The following ORC5 variants were observed in gnomAD, a reference collection of about 807,000 sequenced individuals.
The protein encoded by ORC5 is protein phosphatase 1, regulatory subunit 117.
In ORC5, 39 loss-of-function variants were observed where a neutral mutation model predicts 58.8. The ratio of observed to expected loss-of-function variants is 0.66; its 90% confidence interval spans 0.51 to 0.87. ORC5 has a LOEUF of 0.87. Among genes scored for constraint, ORC5 ranks in the 40% least tolerant of loss-of-function variants. ORC5 has a pLI of 0.00. For synonymous variants in ORC5, 218 were observed against 177.6 expected (o/e 1.23, Z -1.81); for missense variants, 493 against 506.3 (o/e 0.97, Z 0.25).
chr7:104,181,741 G>A (rs145590197), intron 8 of ORC5, among the ~76,000 whole-genome samples: 6,684 of 150,198 alleles, frequency 0.045, 483 homozygotes, highest in African/African-American at 0.15. Flanking sequence ...GTAGTGAGCC[G>A]AGATCGCGCC....
chr7:104,200,741 C>A lies in ORC5; in HGVS notation c.366+17G>T. The A allele has an allele frequency of 1.4e-6, 2 of 1,421,764 alleles. No homozygotes were observed. Among genetic ancestry groups the A allele is most frequent in the South Asian group, 1.2e-5 (1 of 83,942 alleles). The allele number at this position is 1,421,764 out of a possible 1,614,324, so 88.1% of individuals were successfully genotyped here. On this transcript the variant is annotated intron_variant, in intron 3 of 13. Transcript: ENST00000297431. ...TTTTCAAGATAAGAGATGATCTAATCAAATGAAATTACTTACAATATATAC... is the reference window on the plus strand; with the variant it reads ...TTTTCAAGATAAGAGATGATCTAATAAAATGAAATTACTTACAATATATAC...
At chr7:104,177,640 G>A (rs1799349837) in intron 8 of ORC5, among the ~76,000 whole-genome samples, 1 of 152,082 alleles carries the variant, frequency 6.6e-6, no homozygotes, top group East Asian at 1.9e-4. Flanking sequence ...ATGTGCCATG[G>A]TGATCTACTG....
At chr7:104,185,582 C>T (rs979128285) in intron 6 of ORC5, among the ~76,000 whole-genome samples, 16 of 152,100 alleles carry the variant, frequency 1.1e-4, no homozygotes, top group African/African-American at 3.4e-4. Flanking sequence ...GTTCTTGGCA[C>T]CATCTCAGGC....
At position 104,153,627 on chromosome 7, in the gene ORC5, C is replaced by T. The variant is rs181102847; in HGVS notation, c.1149+7445G>A. Among the ~76,000 whole-genome samples, 128 of 152,244 alleles carry T rather than the reference C, an allele frequency of 8.4e-4. 2 individuals are homozygous for T. Among genetic ancestry groups the T allele is most frequent in the African/African-American group, 2.7e-3 (112 of 41,548 alleles). The stretch of plus-strand genomic sequence containing the variant: ...TTACAGAAACACTGGAATGCTGGCA[C>T]AGGACAAATGAAATGCAGAGAAATT... On this transcript the variant is annotated intron_variant, in intron 12 of 13. Transcript: ENST00000297431.
rs79084085 is a variant in ORC5 at position 104,129,247 on chromosome 7, A to G, written c.1263-2354T>C. Among the ~76,000 whole-genome samples the G allele has an allele frequency of 9.2e-5, 14 of 152,312 alleles. No homozygotes were observed. The East Asian group carries it at 2.1e-3, about 23-fold the overall frequency. The stretch of plus-strand genomic sequence containing the variant: ...AGAATAGTTTGTACAATAAATAAAT[A>G]ACAGAACAGACTTAATAGAATGAAT... On this transcript the variant is annotated intron_variant, in intron 13 of 13. Transcript: ENST00000297431. The surrounding 1 kb of genome is among the most constrained non-coding windows in gnomAD (Gnocchi z 4.9).
At chr7:104,202,956 G>A (rs1799979768) in intron 2 of ORC5, among the ~76,000 whole-genome samples, 1 of 152,310 alleles carries the variant, frequency 6.6e-6, no homozygotes, top group African/African-American at 2.4e-5. Flanking sequence ...TAGCTGAGAA[G>A]GCTAAATATT....
At chr7:104,161,969 C>T (rs919423025) in intron 11 of ORC5, among the ~76,000 whole-genome samples, 2 of 151,974 alleles carry the variant, frequency 1.3e-5, no homozygotes, top group African/African-American at 4.8e-5. Flanking sequence ...TACAGTAAGT[C>T]GTAGCTTAAC....
chr7:104,153,627 C>A (rs181102847), intron 12 of ORC5, among the ~76,000 whole-genome samples: 1 of 152,126 alleles, frequency 6.6e-6, no homozygotes, highest in Non-Finnish European at 1.5e-5. Context: ...AATGCTGGCA[C>A]AGGACAAATG....
At chr7:104,146,418 C>CTG (rs1798753342) in intron 12 of ORC5, among the ~76,000 whole-genome samples, 1 of 151,620 alleles carries the variant, frequency 6.6e-6, no homozygotes, top group Admixed American at 6.6e-5. Flanking sequence ...AGATGTCCTT[C>CTG]AACAGGTGAA....
At chr7:104,140,105 G>A (rs1424368792) in intron 12 of ORC5, among the ~76,000 whole-genome samples, 1 of 151,796 alleles carries the variant, frequency 6.6e-6, no homozygotes, top group Non-Finnish European at 1.5e-5. Context: ...TCCTTTATGT[G>A]CTCTGCCTTT....
chr7:104,127,060 A>G (rs1798439911), intron 13 of ORC5, among the ~76,000 whole-genome samples, 167 bp from the exon 14 acceptor site: 1 of 152,098 alleles, frequency 6.6e-6, no homozygotes, highest in South Asian at 2.1e-4. Context: ...AAATGTTATT[A>G]GGAACACAAT....
At chr7:104,167,299 G>A (rs184624136) in intron 9 of ORC5, among the ~76,000 whole-genome samples, 1 of 152,200 alleles carries the variant, frequency 6.6e-6, no homozygotes. Flanking sequence ...TGAAATGCTT[G>A]GGACCAGAAG....
chr7:104,174,486 G>A (rs1213613707), intron 8 of ORC5, among the ~76,000 whole-genome samples: 8 of 152,154 alleles, frequency 5.3e-5, no homozygotes, highest in Admixed American at 2.0e-4. Flanking sequence ...GACTGTTCTT[G>A]GGCATATTTT....
At chr7:104,188,429 A>G in intron 5 of ORC5, 48 bp from the exon 6 acceptor site, 1 of 1,436,650 alleles carries the variant, frequency 7.0e-7, no homozygotes, top group East Asian at 2.3e-5. Flanking sequence ...ATAGTACACT[A>G]ATCATATCTT....
chr7:104,207,063 A>C (rs1800105731), intron 1 of ORC5, among the ~76,000 whole-genome samples: 1 of 152,230 alleles, frequency 6.6e-6, no homozygotes, highest in Non-Finnish European at 1.5e-5. Flanking sequence ...AAACCAGAAG[A>C]TGGGGGTATG....
chr7:104,185,180 G>A (rs758409267), intron 6 of ORC5, among the ~76,000 whole-genome samples: 3 of 151,926 alleles, frequency 2.0e-5, no homozygotes, highest in South Asian at 2.1e-4. Context: ...ACCATGGCAC[G>A]CATTTTACCT....
intron 1 of ORC5, among the ~76,000 whole-genome samples, chr7:104,205,107 T>TTC: frequency 6.8e-6 from 1 of 147,864 alleles, no homozygotes; most frequent in Non-Finnish European, 1.5e-5. Context: ...TTTTTTTTTT[T>TTC]GAGATGGAGT....
At chr7:104,159,311 ACT>A (rs1227143178) in intron 12 of ORC5, among the ~76,000 whole-genome samples, 3 of 103,216 alleles carry the variant, frequency 2.9e-5, no homozygotes, top group Non-Finnish European at 5.4e-5. Context: ...GGAACATCAC[ACT>A]CTGGGGACTG....
chr7:104,127,950 A>G (rs1419823463), intron 13 of ORC5, among the ~76,000 whole-genome samples: 4 of 152,228 alleles, frequency 2.6e-5, no homozygotes, highest in African/African-American at 7.2e-5. Context: ...GCCTTTCCAA[A>G]TGGTATAAAA....
Sources: gnomAD v4.1 joint callset for allele counts (sites outside exome capture counted in the v4.1 genomes callset) on GRCh38, gnomAD v4.1.1 for gene constraint, Gnocchi (gnomAD v3.1) non-coding constraint, MANE v1.5 for transcripts, NCBI Gene and HGNC (gene_info 2026-07-23, HGNC 2026-07-21) for gene names.